NFIA: variants seen among roughly 807,000 people sequenced by gnomAD.
NFIA encodes the protein nuclear factor 1 A-type.
A neutral mutation model predicts 62.8 loss-of-function variants in NFIA; 8 were observed. That is an observed-to-expected ratio of 0.13 (90% CI 0.07 to 0.23). The LOEUF is 0.23. Among genes scored for constraint, NFIA ranks in the 10% least tolerant of loss-of-function variants. The probability of loss-of-function intolerance (pLI) is 1.00; values close to 1 mark genes in which losing one functional copy is unlikely to be tolerated. For missense variants in NFIA, 410 were observed against 642.1 expected (o/e 0.64, Z 3.91); for synonymous variants, 235 against 238.1 (o/e 0.99, Z 0.12).
At chr1:61,148,745 A>C (rs1033572081) in intron 2 of NFIA, among the ~76,000 whole-genome samples, 2 of 152,244 alleles carry the variant, frequency 1.3e-5, no homozygotes, top group Non-Finnish European at 2.9e-5. Context: ...TCTTCCATTT[A>C]TAGCATCAGT....
rs1437505739 is a variant in NFIA, at chr1:61,458,217, A to C, written c.*2897A>C. ...ATGAAAAAAAGGAAAAAAAGAAAAAAAAAAAGAAAAAATAGCAGCTTTCAG... is the reference window on the plus strand; with the variant it reads ...ATGAAAAAAAGGAAAAAAAGAAAAACAAAAAGAAAAAATAGCAGCTTTCAG... On this transcript the variant is annotated 3_prime_UTR_variant, in exon 11 of 11. Transcript: ENST00000403491. The C allele has an allele frequency of 6.6e-6, 1 of 152,092 alleles. No homozygotes were observed. The highest frequency in any genetic ancestry group is 1.9e-4 in the East Asian group (1 of 5,196). The allele number at this position is 152,092 out of a possible 1,614,324, so 9.4% of individuals were successfully genotyped here.
intron 3 of NFIA, among the ~76,000 whole-genome samples, chr1:61,292,136 A>G (rs1658924734): frequency 6.6e-6 from 1 of 152,162 alleles, no homozygotes; most frequent in Non-Finnish European, 1.5e-5. Flanking sequence ...ATTATTAGAA[A>G]TAAACTTATC....
intron 9 of NFIA, among the ~76,000 whole-genome samples, chr1:61,423,561 TATC>T (rs1192152042): frequency 1.3e-5 from 2 of 152,198 alleles, no homozygotes; most frequent in African/African-American, 4.8e-5. Context: ...TATGATATAA[TATC>T]ATAGTATACA....
chr1:61,410,925 TAAATA>T (rs761710861), intron 9 of NFIA, among the ~76,000 whole-genome samples: 127 of 151,968 alleles, frequency 8.4e-4, no homozygotes, highest in South Asian at 1.3e-3. Context: ...TATATAAAAA[TAAATA>T]AAAATAAAAG....
chr1:61,103,392 C>T (rs976800122), intron 2 of NFIA, among the ~76,000 whole-genome samples: 1 of 152,174 alleles, frequency 6.6e-6, no homozygotes. Flanking sequence ...TCTTTTCCCC[C>T]CAAGGTTAGG....
chr1:61,428,381 A>AT (rs2100556608), intron 10 of NFIA, among the ~76,000 whole-genome samples: 1 of 101,156 alleles, frequency 9.9e-6, no homozygotes, highest in Admixed American at 9.0e-5. Context: ...TCTGGAACTG[A>AT]ATTTTTTTTT....
intron 3 of NFIA, among the ~76,000 whole-genome samples, chr1:61,318,434 T>C (rs1032260521): frequency 2.0e-5 from 3 of 152,156 alleles, no homozygotes; most frequent in Non-Finnish European, 2.9e-5. Flanking sequence ...ACATTTATCA[T>C]GTATACCTGT....
At chr1:61,090,833 C>T (rs1277757369) in intron 2 of NFIA, among the ~76,000 whole-genome samples, 1 of 152,124 alleles carries the variant, frequency 6.6e-6, no homozygotes, top group Non-Finnish European at 1.5e-5. Context: ...AACAGGAAGA[C>T]TGTAAAAGAA....
At chr1:61,103,833 T>A (rs1196430507) in intron 2 of NFIA, among the ~76,000 whole-genome samples, 1 of 152,172 alleles carries the variant, frequency 6.6e-6, no homozygotes, top group Non-Finnish European at 1.5e-5. Flanking sequence ...AATCCATAGT[T>A]TCATATTAAC....
intron 2 of NFIA, among the ~76,000 whole-genome samples, chr1:61,276,206 A>G (rs758914395): frequency 2.0e-5 from 3 of 152,190 alleles, no homozygotes; most frequent in Admixed American, 6.5e-5. Flanking sequence ...ATTTTTTGCT[A>G]TAGCACTTTC....
intron 2 of NFIA, among the ~76,000 whole-genome samples, chr1:61,267,669 G>A (rs1049226957): frequency 1.3e-5 from 2 of 152,212 alleles, no homozygotes; most frequent in African/African-American, 2.4e-5. Context: ...TATCAGGGCT[G>A]CTGTAAATTG....
chr1:61,186,287 C>T (rs1032720681), intron 2 of NFIA, among the ~76,000 whole-genome samples: 2 of 147,502 alleles, frequency 1.4e-5, no homozygotes, highest in African/African-American at 5.2e-5. Context: ...CCACTCAGAA[C>T]CTCTGTAAAA....
intron 9 of NFIA, among the ~76,000 whole-genome samples, chr1:61,424,450 A>G (rs1373576119): frequency 1.3e-5 from 2 of 152,072 alleles, no homozygotes; most frequent in South Asian, 2.1e-4. Flanking sequence ...CTATGTGTCT[A>G]TGATGAGCAG....
intron 4 of NFIA, among the ~76,000 whole-genome samples, chr1:61,348,930 A>G (rs548305331): frequency 3.9e-4 from 60 of 152,216 alleles, no homozygotes; most frequent in Non-Finnish European, 7.5e-4. Context: ...ATCCAGAGCT[A>G]TGACACTGAT....
chr1:61,197,231 G>GTTT (rs1377625639), intron 2 of NFIA, among the ~76,000 whole-genome samples: 3 of 126,142 alleles, frequency 2.4e-5, no homozygotes, highest in Admixed American at 7.9e-5. Context: ...TACTACTCTG[G>GTTT]TTCTTTTTTT....
intron 2 of NFIA, among the ~76,000 whole-genome samples, chr1:61,089,295 A>C (rs1246553262): frequency 6.6e-6 from 1 of 152,256 alleles, no homozygotes; most frequent in Non-Finnish European, 1.5e-5. Context: ...AATATTAAAA[A>C]TAACCAACCT....
chr1:61,336,821 T>C (rs1661634724), intron 4 of NFIA, among the ~76,000 whole-genome samples: 1 of 152,150 alleles, frequency 6.6e-6, no homozygotes, highest in African/African-American at 2.4e-5. Context: ...CCCCATCCAG[T>C]CCCCTGCAAT....
At chr1:61,340,599 A>T (rs893964039) in intron 4 of NFIA, among the ~76,000 whole-genome samples, 1 of 152,220 alleles carries the variant, frequency 6.6e-6, no homozygotes, top group Non-Finnish European at 1.5e-5. Context: ...CTCAACAATG[A>T]TAACCACCAC....
chr1:61,284,247 G>A (rs1658340574), intron 3 of NFIA, among the ~76,000 whole-genome samples: 2 of 152,122 alleles, frequency 1.3e-5, no homozygotes, highest in African/African-American at 4.8e-5. Context: ...ATTAAATTCT[G>A]ACTGATGAAT....
Sources: gnomAD v4.1 joint callset for allele counts (sites outside exome capture counted in the v4.1 genomes callset) on GRCh38, gnomAD v4.1.1 for gene constraint, MANE v1.5 for transcripts, NCBI Gene and HGNC (gene_info 2026-07-23, HGNC 2026-07-21) for gene names.